EXOC6B: variants seen among roughly 807,000 people sequenced by gnomAD.
EXOC6B encodes the protein exocyst complex component 6B, also known as SEC15 homolog B.
EXOC6B carries 54 observed loss-of-function variants against 113.5 expected under a neutral mutation model. That is an observed-to-expected ratio of 0.48 (90% CI 0.38 to 0.60). EXOC6B has a LOEUF of 0.60. EXOC6B is among the 20% of genes least tolerant of loss of function. EXOC6B has a pLI of 0.00. For synonymous variants in EXOC6B, 357 were observed against 339.0 expected, an observed-to-expected ratio of 1.05 and a Z score of -0.58; for missense variants, 797 against 977.5, an observed-to-expected ratio of 0.82 and a Z score of 2.46.
At chr2:72,334,460 A>C (rs944098403) in intron 20 of EXOC6B, among the ~76,000 whole-genome samples, 4 of 152,104 alleles carry the variant, frequency 2.6e-5, no homozygotes, top group Non-Finnish European at 5.9e-5. Context: ...ACAAAGGAGG[A>C]GGCGGGAAGA....
At chr2:72,284,901 T>C in intron 20 of EXOC6B, among the ~76,000 whole-genome samples, 1 of 152,032 alleles carries the variant, frequency 6.6e-6, no homozygotes, top group Non-Finnish European at 1.5e-5. Flanking sequence ...AATGAAATGC[T>C]TAGGTATAAA....
chr2:72,239,660 G>GT (rs1682182114), intron 20 of EXOC6B, among the ~76,000 whole-genome samples: 1 of 152,082 alleles, frequency 6.6e-6, no homozygotes, highest in African/African-American at 2.4e-5. Context: ...ACTGTTCTTT[G>GT]TTTCCATATT....
chr2:72,662,152 A>G (rs1488453864), intron 6 of EXOC6B, among the ~76,000 whole-genome samples: 1 of 151,920 alleles, frequency 6.6e-6, no homozygotes, highest in Non-Finnish European at 1.5e-5. Context: ...GAGGAAAGAG[A>G]GAAAGAGAAG....
At chr2:72,351,456 T>C (rs1000427370) in intron 19 of EXOC6B, among the ~76,000 whole-genome samples, 1 of 152,186 alleles carries the variant, frequency 6.6e-6, no homozygotes, top group African/African-American at 2.4e-5. Context: ...TGACTCAACG[T>C]CTTTATCTTC....
chr2:72,514,723 T>G lies in EXOC6B; in HGVS notation c.1000-43A>C, dbSNP rs764906718. The G allele has an allele frequency of 9.9e-6, 13 of 1,308,464 alleles. No individual in the cohort carries two copies. In the East Asian group the frequency reaches 3.1e-4, roughly 31 times the overall value. 81.1% of individuals were successfully genotyped at this position (1,308,464 alleles called of 1,614,324 possible). ...AGAAAAAGTTATTGTTTCTGTTTTG[T>G]TACATTAAGACTAAGTTAAAATCAG... On this transcript the variant is annotated intron_variant, in intron 9 of 21. Transcript: ENST00000272427.
intron 18 of EXOC6B, chr2:72,464,606 A>G (rs1697920747): frequency 6.6e-6 from 1 of 152,352 alleles, no homozygotes; most frequent in Admixed American, 6.6e-5. Context: ...CAACCGAAAA[A>G]TATTAGAAAC....
At chr2:72,379,265 T>A (rs959429999) in intron 19 of EXOC6B, among the ~76,000 whole-genome samples, 3 of 152,216 alleles carry the variant, frequency 2.0e-5, no homozygotes, top group African/African-American at 4.8e-5. Context: ...TTTAAGCCAC[T>A]CTTTAAGTTT....
intron 6 of EXOC6B, among the ~76,000 whole-genome samples, chr2:72,701,055 T>C (rs1678294303): frequency 6.6e-6 from 1 of 151,964 alleles, no homozygotes; most frequent in Non-Finnish European, 1.5e-5. Context: ...AAGATAAAAC[T>C]GTACCTGGCC....
At chr2:72,593,361 C>T (rs1259340756) in intron 6 of EXOC6B, among the ~76,000 whole-genome samples, 3 of 152,090 alleles carry the variant, frequency 2.0e-5, no homozygotes, top group Admixed American at 2.0e-4. Flanking sequence ...AAACAGGGGA[C>T]TTACTTCTTG....
At chr2:72,683,427 G>A (rs1040591643) in intron 6 of EXOC6B, among the ~76,000 whole-genome samples, 1 of 152,104 alleles carries the variant, frequency 6.6e-6, no homozygotes, top group Non-Finnish European at 1.5e-5. Context: ...ATATGTCTAA[G>A]GGGTGAATGG....
At position 72,632,263 on chromosome 2, in the gene EXOC6B, A is replaced by G. The variant is rs532191144; in HGVS notation, c.670-56595T>C. On this transcript the variant is annotated intron_variant, in intron 6 of 21. Transcript: ENST00000272427. ...TAGAAATGCAAAATTTTAAAAACCT[A>G]TGAAATTTTAAAAGACTGAAGAAAA... 5.9e-5 allele frequency among the ~76,000 whole-genome samples: 9 copies of G among 152,318 alleles called. No individual in the cohort carries two copies. In the South Asian group the frequency reaches 1.9e-3, roughly 32 times the overall value.
At chr2:72,634,295 T>A (rs1228453397) in intron 6 of EXOC6B, among the ~76,000 whole-genome samples, 1 of 152,170 alleles carries the variant, frequency 6.6e-6, no homozygotes, top group South Asian at 2.1e-4. Context: ...AAAATGCTAA[T>A]GAAAAAACAG....
At chr2:72,782,566 C>T (rs1286426929) in intron 1 of EXOC6B, among the ~76,000 whole-genome samples, 5 of 152,110 alleles carry the variant, frequency 3.3e-5, no homozygotes, top group African/African-American at 9.7e-5. Flanking sequence ...TATTTTGAAA[C>T]AGACAAAACA....
chr2:72,501,928 T>C (rs940582321), intron 11 of EXOC6B, among the ~76,000 whole-genome samples: 2 of 151,700 alleles, frequency 1.3e-5, no homozygotes, highest in Admixed American at 1.3e-4. Context: ...ACCTGGTTAA[T>C]GTTTTTTTAT....
intron 8 of EXOC6B, among the ~76,000 whole-genome samples, chr2:72,535,615 G>A (rs2105770764): frequency 6.6e-6 from 1 of 152,282 alleles, no homozygotes. Flanking sequence ...GCTCACGCCT[G>A]TAATTCAAGC....
intron 5 of EXOC6B, chr2:72,721,987 G>A (rs1219403794): frequency 3.8e-5 from 5 of 132,550 alleles, no homozygotes; most frequent in African/African-American, 1.4e-4. Context: ...AGTACCTCCA[G>A]GAATGGTGCT....
chr2:72,671,761 A>C (rs866087359), intron 6 of EXOC6B, among the ~76,000 whole-genome samples: 1 of 25,120 alleles, frequency 4.0e-5, no homozygotes, highest in Admixed American at 4.6e-4. Flanking sequence ...GAAAGAAAGA[A>C]AGAAAGAAAG....
At chr2:72,600,260 G>A (rs1670331339) in intron 6 of EXOC6B, among the ~76,000 whole-genome samples, 1 of 151,936 alleles carries the variant, frequency 6.6e-6, no homozygotes, top group Admixed American at 6.6e-5. Flanking sequence ...GGGCAATATA[G>A]TGAGACCCTG....
intron 1 of EXOC6B, among the ~76,000 whole-genome samples, chr2:72,816,190 A>T (rs1686236722): frequency 6.6e-6 from 1 of 152,312 alleles, no homozygotes; most frequent in Non-Finnish European, 1.5e-5. Flanking sequence ...AGAAATGTGC[A>T]ATAAAAAATG....
Sources: allele counts gnomAD v4.1 joint callset (sites outside exome capture counted in the v4.1 genomes callset), GRCh38; gene constraint gnomAD v4.1.1; transcripts MANE v1.5; gene names NCBI Gene and HGNC (gene_info 2026-07-23, HGNC 2026-07-21).